The following MAP7D2 variants were observed in gnomAD, a reference collection of about 807,000 sequenced individuals.
The protein encoded by MAP7D2 is MAP7 domain containing 2, also known as MAP7 domain-containing protein 2.
Under a neutral mutation model 63.5 loss-of-function variants are expected in MAP7D2, and 33 were observed. The ratio of observed to expected loss-of-function variants is 0.52; its 90% CI spans 0.39 to 0.70. The LOEUF is 0.70. Ranked by LOEUF, MAP7D2 falls within the 30% of genes least tolerant of loss-of-function variation. The pLI, the probability that MAP7D2 is intolerant of heterozygous loss-of-function variation, is 0.00. For synonymous variants in MAP7D2, 224 were observed against 223.7 expected, an observed-to-expected ratio of 1.00 and a Z score of -0.01; for missense variants, 626 against 604.0, an observed-to-expected ratio of 1.04 and a Z score of -0.38.
At chrX:20,098,561 G>C (rs1015436068) in intron 1 of MAP7D2, among the ~76,000 whole-genome samples, 5 of 111,192 alleles carry the variant, frequency 4.5e-5, no homozygotes, top group East Asian at 2.8e-4. Flanking sequence ...ACACGGTGGG[G>C]GGGGGAGCGG....
At chrX:20,049,887 G>A in intron 6 of MAP7D2, 1 of 317,477 alleles carries the variant, frequency 3.1e-6, no homozygotes. Context: ...CCTAGTGGGT[G>A]TAAAGTGGCA....
At chrX:20,072,209 A>G (rs2065520828) in intron 1 of MAP7D2, among the ~76,000 whole-genome samples, 1 of 111,794 alleles carries the variant, frequency 8.9e-6, no homozygotes, top group African/African-American at 3.3e-5. Flanking sequence ...ACAAGGGTAA[A>G]GAAAGGAAGG....
At position 20,056,660 on chromosome X, in the gene MAP7D2, A is replaced by AT; in HGVS notation, c.484+19_484+20insA. 2.5e-6 allele frequency: 3 copies of AT among 1,181,871 alleles called. No individual in the cohort carries two copies. The highest frequency in any genetic ancestry group is 3.5e-6 in the Non-Finnish European group (3 of 869,186). ...ATTTCCCACCCAGGACCTGAAATACAGGGGCAACCCTACACTCACCATCAT... is the reference window on the plus strand; with the variant it reads ...ATTTCCCACCCAGGACCTGAAATACATGGGGCAACCCTACACTCACCATCAT... On this transcript the variant is annotated intron_variant, in intron 4 of 16. Coordinates refer to ENST00000379643, the MANE Select transcript of MAP7D2 (RefSeq NM_001168465.2).
rs767466213 is a variant in MAP7D2 at position 20,084,161 on chromosome X, G to A, written c.131-19356C>T. On this transcript the variant is annotated intron_variant, in intron 1 of 16. Transcript: ENST00000379643. ...GGTTCCAGTGAGCTGAGACCGCATC[G>A]CTGCACCCCCGCCTGGTCAACAGAG... Among the ~76,000 whole-genome samples the A allele has an allele frequency of 1.3e-4, 13 of 102,138 alleles. No homozygotes were observed. In the South Asian group the frequency reaches 4.7e-3, roughly 37 times the overall value. 88.7% of individuals were successfully genotyped at this position (102,138 alleles called of 115,157 possible).
Position 20,052,954 on chromosome X carries a change from C to T in MAP7D2, c.519G>A (p.Leu173=). The T allele has an allele frequency of 1.7e-6, 2 of 1,210,547 alleles. No individual in the cohort carries two copies. Among genetic ancestry groups the T allele is most frequent in the South Asian group, 3.5e-5 (2 of 56,966 alleles). The stretch of plus-strand genomic sequence containing the variant: ...TCATGGGAGGCTCCGTTGGCTTTGG[C>T]AAACTCATAGTTGATGTTGAAAGTT... ...CDKLSTSTMS[L]PKPTEPPMNK... The change falls in exon 5 of 17, where the codon TTG becomes TTA. Residue 173 remains leucine, a synonymous_variant. Transcript: ENST00000379643.
At chrX:20,019,694 A>G (rs144924285) in intron 10 of MAP7D2, among the ~76,000 whole-genome samples, 3,647 of 112,068 alleles carry the variant, frequency 0.033, 135 homozygotes, top group African/African-American at 0.11. Flanking sequence ...AACCTTCAAC[A>G]TTAATCTTCT....
intron 1 of MAP7D2, among the ~76,000 whole-genome samples, chrX:20,081,654 ATT>A (rs1282695162): frequency 6.3e-5 from 6 of 95,216 alleles, no homozygotes; most frequent in Non-Finnish European, 4.3e-5. Flanking sequence ...ATCAGATCTG[ATT>A]TTTTTTTTTT....
chrX:20,094,228 T>C (rs1301258973), intron 1 of MAP7D2, among the ~76,000 whole-genome samples: 2 of 107,823 alleles, frequency 1.9e-5, no homozygotes, highest in African/African-American at 6.7e-5. Context: ...GGGAAGGGCA[T>C]GTGACAAAGC....
At chrX:20,077,685 C>G (rs1224045388) in intron 1 of MAP7D2, among the ~76,000 whole-genome samples, 2 of 112,083 alleles carry the variant, frequency 1.8e-5, no homozygotes. Context: ...CCACCTTCCA[C>G]TATGGAGGGC....
At chrX:20,064,438 A>C (rs757214245) in intron 2 of MAP7D2, among the ~76,000 whole-genome samples, 5 of 112,075 alleles carry the variant, frequency 4.5e-5, no homozygotes, top group Non-Finnish European at 9.4e-5. Context: ...AGGTGTTAGG[A>C]CTTCCTTAGA....
At chrX:20,054,824 C>T (rs778885172) in intron 4 of MAP7D2, among the ~76,000 whole-genome samples, 2 of 111,593 alleles carry the variant, frequency 1.8e-5, no homozygotes, top group Non-Finnish European at 3.8e-5. Flanking sequence ...TCAAGCAATC[C>T]GCCTGCCTCA....
At chrX:20,116,514 C>G in intron 1 of MAP7D2, 2 of 880,573 alleles carry the variant, frequency 2.3e-6, no homozygotes, top group Non-Finnish European at 2.8e-6. Flanking sequence ...AGCCACCCCC[C>G]ATGTGTACCC....
At chrX:20,032,523 G>A (rs774787362) in intron 8 of MAP7D2, among the ~76,000 whole-genome samples, 1 of 111,599 alleles carries the variant, frequency 9.0e-6, no homozygotes, top group East Asian at 2.8e-4. Context: ...GGAGTAAAGT[G>A]GGAGGTACTT....
chrX:20,059,771 A>AAAGGAAGGAAAGGGAGAT (rs2065161702), intron 3 of MAP7D2, among the ~76,000 whole-genome samples: 2 of 110,207 alleles, frequency 1.8e-5, no homozygotes, highest in Non-Finnish European at 3.8e-5. Context: ...GGAAAGATAG[A>AAAGGAAGGAAAGGGAGAT]AAGGAAGGAA....
intron 8 of MAP7D2, among the ~76,000 whole-genome samples, chrX:20,034,627 T>C (rs2074160360): frequency 9.0e-6 from 1 of 111,450 alleles, no homozygotes; most frequent in East Asian, 2.8e-4. Flanking sequence ...AGAGCTCCCT[T>C]GCGCCCCTTC....
chrX:20,060,005 A>G (rs991062363), intron 3 of MAP7D2, among the ~76,000 whole-genome samples: 4 of 109,155 alleles, frequency 3.7e-5, no homozygotes, highest in Non-Finnish European at 7.6e-5. Context: ...TGCCTTTTCA[A>G]CTGCCATTAT....
intron 5 of MAP7D2, chrX:20,052,465 A>G (rs2064973416): frequency 4.0e-6 from 1 of 249,455 alleles, no homozygotes; most frequent in African/African-American, 2.8e-5. Context: ...ATTTTTTCAC[A>G]TATCTAAGCC....
At position 20,029,684 on chromosome X, in the gene MAP7D2, C is replaced by T. The variant is rs138322890; in HGVS notation, c.1008-3732G>A. Among the ~76,000 whole-genome samples the T allele has an allele frequency of 2.4e-3, 272 of 111,453 alleles. 1 individual carries two copies. Among genetic ancestry groups the T allele is most frequent in the African/African-American group, 8.3e-3 (256 of 30,669 alleles). The stretch of plus-strand genomic sequence containing the variant: ...CATTAAGAAGTCTGTTTACAGTCCC[C>T]GACCCCAGCCCCTGCCCAATAAACA... On this transcript the variant is annotated intron_variant, in intron 8 of 16. Transcript: ENST00000379643.
At chrX:20,055,550 C>T (rs753302721) in intron 4 of MAP7D2, among the ~76,000 whole-genome samples, 3 of 111,561 alleles carry the variant, frequency 2.7e-5, no homozygotes, top group South Asian at 3.7e-4. Context: ...AGGCATGCAC[C>T]GCTCTATAAT....
Sources: gnomAD v4.1 joint callset for allele counts (sites outside exome capture counted in the v4.1 genomes callset) on GRCh38, gnomAD v4.1.1 for gene constraint, MANE v1.5 for transcripts, NCBI Gene and HGNC (gene_info 2026-07-23, HGNC 2026-07-21) for gene names.